AMPD3: variants seen among roughly 807,000 people sequenced by gnomAD.
The protein encoded by AMPD3 is AMP deaminase 3.
AMPD3 carries 57 observed loss-of-function variants against 82.3 expected under a neutral mutation model. The ratio of observed to expected loss-of-function variants is 0.69; its 90% confidence interval spans 0.56 to 0.86. AMPD3 has a LOEUF of 0.86. Among genes scored for constraint, AMPD3 ranks in the 40% least tolerant of loss-of-function variants. The probability of loss-of-function intolerance (pLI) is 0.00; values close to 1 mark genes in which losing one functional copy is unlikely to be tolerated. For missense variants in AMPD3, 870 were observed against 1,003.8 expected, an observed-to-expected ratio of 0.87 and a Z score of 1.80; for synonymous variants, 381 against 394.7, an observed-to-expected ratio of 0.97 and a Z score of 0.41.
intron 12 of AMPD3, chr11:10,501,926 C>T (rs185539981): frequency 1.3e-4 from 126 of 985,038 alleles, no homozygotes; most frequent in Admixed American, 3.1e-4. Context: ...TTGGTTCCTG[C>T]CTCGTCCCTT....
intron 1 of AMPD3, chr11:10,455,909 C>T: frequency 1.0e-6 from 1 of 985,370 alleles, no homozygotes; most frequent in Non-Finnish European, 1.2e-6. Flanking sequence ...GAAGCACGTT[C>T]AGAACGGAAG....
At chr11:10,450,700 G>A, upstream of AMPD3, 2 of 1,072,696 alleles carry the variant, frequency 1.9e-6, no homozygotes, top group East Asian at 6.2e-5. Context: ...CAAGTTTCCC[G>A]TTGGCGGCGC....
At chr11:10,474,828 A>T (rs1459694562) in intron 2 of AMPD3, among the ~76,000 whole-genome samples, 1 of 152,158 alleles carries the variant, frequency 6.6e-6, no homozygotes, top group Non-Finnish European at 1.5e-5. Flanking sequence ...GGGTGGGGGA[A>T]GGAGGGGGTG....
intron 2 of AMPD3, among the ~76,000 whole-genome samples, chr11:10,466,126 G>T (rs1848413693): frequency 6.6e-6 from 1 of 152,172 alleles, no homozygotes; most frequent in Non-Finnish European, 1.5e-5. Context: ...GCCGGGCGTG[G>T]TGGGGGGCAC....
At chr11:10,482,818 G>T (rs965340798) in intron 4 of AMPD3, among the ~76,000 whole-genome samples, 1 of 152,176 alleles carries the variant, frequency 6.6e-6, no homozygotes, top group African/African-American at 2.4e-5. Context: ...GAGTCACTGC[G>T]CCTGGCCTCA....
chr11:10,451,746 T>G (rs144201966), upstream of AMPD3, among the ~76,000 whole-genome samples: 445 of 152,298 alleles, frequency 2.9e-3, 1 homozygote, highest in African/African-American at 1.0e-2. Flanking sequence ...AAGGAGGGAT[T>G]TTAGCATGGT....
chr11:10,477,922 T>G (rs1297557500), intron 2 of AMPD3: 16 of 985,330 alleles, frequency 1.6e-5, no homozygotes, highest in Non-Finnish European at 1.9e-5. Context: ...TAAGCTTGGA[T>G]GGCGGTCGCT....
chr11:10,467,185 T>C (rs1315866351), intron 2 of AMPD3, among the ~76,000 whole-genome samples: 1 of 152,090 alleles, frequency 6.6e-6, no homozygotes, highest in Non-Finnish European at 1.5e-5. Flanking sequence ...TTGACAGAAG[T>C]AGGCTTCAGA....
At chr11:10,502,687 C>G (rs773136438) in intron 12 of AMPD3, 34 bp from the exon 13 acceptor site, 7 of 1,611,936 alleles carry the variant, frequency 4.3e-6, no homozygotes, top group Non-Finnish European at 5.1e-6. Context: ...CCCTCTCTGG[C>G]ACTTGTCACA....
intron 2 of AMPD3, among the ~76,000 whole-genome samples, chr11:10,466,939 G>A (rs1848438864): frequency 3.3e-5 from 5 of 152,222 alleles, no homozygotes; most frequent in Admixed American, 3.3e-4. Context: ...TAGCAGAGGG[G>A]TCTGATTGTT....
intron 6 of AMPD3, among the ~76,000 whole-genome samples, chr11:10,488,890 C>G (rs1028519528): frequency 6.6e-6 from 1 of 152,128 alleles, no homozygotes; most frequent in East Asian, 1.9e-4. Flanking sequence ...CTCCCTGACC[C>G]CCTGGCTGGG....
At chr11:10,505,544 C>T in intron 14 of AMPD3, 164 bp from the exon 15 acceptor site, 1 of 985,342 alleles carries the variant, frequency 1.0e-6, no homozygotes, top group Middle Eastern at 5.2e-4. Context: ...GACACAGAGG[C>T]CAGCAGGAAT....
chr11:10,471,709 C>T (rs61891381), intron 2 of AMPD3, among the ~76,000 whole-genome samples: 21,610 of 152,240 alleles, frequency 0.14, 1,907 homozygotes, highest in Non-Finnish European at 0.19. Flanking sequence ...CTCATCATCA[C>T]TGGTCATTAG....
chr11:10,501,625 G>T (rs1161892862), intron 12 of AMPD3, 35 bp downstream of exon 12: 1 of 1,614,032 alleles, frequency 6.2e-7, no homozygotes. Context: ...CGTCCTGAGT[G>T]ACTGCCCTGC....
At chr11:10,464,890 T>C (rs1414124671) in intron 2 of AMPD3, among the ~76,000 whole-genome samples, 1 of 152,210 alleles carries the variant, frequency 6.6e-6, no homozygotes, top group East Asian at 1.9e-4. Context: ...AAGAAGCAAA[T>C]TAGAAGCAGG....
intron 2 of AMPD3, among the ~76,000 whole-genome samples, chr11:10,471,591 T>G (rs1848591314): frequency 6.6e-6 from 1 of 152,152 alleles, no homozygotes; most frequent in Non-Finnish European, 1.5e-5. Context: ...TACAAAGAAC[T>G]TAAACAAATT....
rs144828116 is a variant in AMPD3 at position 10,493,053 on chromosome 11, C to G, written c.940-296C>G. ...TCAGGCCAAGGTGCTTGGGCTTTAT[C>G]TTGAGACTGATGGGCCCATAGGTCA... On this transcript the variant is annotated intron_variant, in intron 6 of 14. Transcript: ENST00000396553. 2.7e-3 allele frequency among the ~76,000 whole-genome samples: 418 copies of G among 152,256 alleles called. 5 individuals are homozygous for G. Among genetic ancestry groups the G allele is most frequent in the African/African-American group, 9.5e-3 (396 of 41,536 alleles).
At chr11:10,492,050 G>T (rs1849254675) in intron 6 of AMPD3, among the ~76,000 whole-genome samples, 1 of 152,164 alleles carries the variant, frequency 6.6e-6, no homozygotes, top group African/African-American at 2.4e-5. Context: ...TGGTAGTGAG[G>T]ATGAGCTGAC....
In AMPD3 at chr11:10,456,088, A is replaced by G. The variant is rs1554894639; in HGVS notation, c.-6+640A>G. ...TCTTGTGAGGGCTGTGAAGAGGGCC[A>G]GGACACTGCATTCAGGATACCACAG... On this transcript the variant is annotated intron_variant, in intron 1 of 14. Transcript: ENST00000396553. This position sits in a 1 kb window ranked among gnomAD's most constrained non-coding sequence, Gnocchi z 4.3. The G allele has an allele frequency of 8.1e-7, 1 of 1,234,222 alleles. No homozygotes were observed. Among genetic ancestry groups the G allele is most frequent in the Non-Finnish European group, 1.0e-6 (1 of 981,038 alleles). The allele number at this position is 1,234,222 out of a possible 1,614,324, so 76.5% of individuals were successfully genotyped here. A position where few individuals can be genotyped will look rare whatever the true frequency, so the allele number is the denominator to read the frequency against.
Sources: allele counts gnomAD v4.1 joint callset (sites outside exome capture counted in the v4.1 genomes callset), GRCh38; gene constraint gnomAD v4.1.1; non-coding constraint Gnocchi (gnomAD v3.1); transcripts MANE v1.5; gene names NCBI Gene and HGNC (gene_info 2026-07-23, HGNC 2026-07-21).